PHYKPL: variants seen among roughly 807,000 people sequenced by gnomAD.
PHYKPL encodes 5-phosphohydroxy-L-lysine phospho-lyase.
Under a neutral mutation model 51.3 loss-of-function variants are expected in PHYKPL, and 42 were observed. That is an observed-to-expected ratio of 0.82 (90% CI 0.64 to 1.06). The LOEUF is 1.06. Ranked by LOEUF, PHYKPL falls within the 50% of genes least tolerant of loss-of-function variation. PHYKPL has a pLI of 0.00. For synonymous variants in PHYKPL, 264 were observed against 236.0 expected, an observed-to-expected ratio of 1.12 and a Z score of -1.09; for missense variants, 655 against 586.6, an observed-to-expected ratio of 1.12 and a Z score of -1.20.
At chr5:178,225,319 G>A in intron 4 of PHYKPL, 36 bp downstream of exon 4, 5 of 1,612,400 alleles carry the variant, frequency 3.1e-6, no homozygotes, top group Non-Finnish European at 4.2e-6. Context: ...TGTGGGCCAG[G>A]CTTCTGGGAA....
intron 8 of PHYKPL, among the ~76,000 whole-genome samples, chr5:178,221,368 C>T (rs529149287): frequency 6.6e-6 from 1 of 152,178 alleles, no homozygotes; most frequent in Admixed American, 6.5e-5. Flanking sequence ...GCTCTTCACC[C>T]ACCTCTTGCC....
At chr5:178,213,954 C>G (rs374709672) in intron 10 of PHYKPL, among the ~76,000 whole-genome samples, 3 of 152,156 alleles carry the variant, frequency 2.0e-5, no homozygotes, top group Admixed American at 2.0e-4. Flanking sequence ...TTGTGAGACA[C>G]GGGCTGAACT....
At chr5:178,208,128 C>T (rs1333178553), downstream of PHYKPL, among the ~76,000 whole-genome samples, 1 of 152,120 alleles carries the variant, frequency 6.6e-6, no homozygotes, top group East Asian at 1.9e-4. Context: ...CTCCTGAACT[C>T]TGGTCAGGGA....
chr5:178,231,665 C>T (rs765924348), intron 1 of PHYKPL, 142 bp from the exon 2 acceptor site: 2 of 1,583,454 alleles, frequency 1.3e-6, no homozygotes, highest in South Asian at 2.3e-5. Flanking sequence ...TGCTGCTTCC[C>T]TGCCTTGTCT....
intron 8 of PHYKPL, among the ~76,000 whole-genome samples, chr5:178,218,698 T>A (rs759267232): frequency 6.6e-6 from 1 of 152,202 alleles, no homozygotes; most frequent in Non-Finnish European, 1.5e-5. Flanking sequence ...AGTTATAGCA[T>A]CTTGAACTCA....
chr5:178,232,361 G>A lies in PHYKPL; in HGVS notation c.59+131C>T, dbSNP rs538001614. On this transcript the variant is annotated intron_variant, in intron 1 of 12. Coordinates refer to ENST00000308158, the MANE Select transcript of PHYKPL (RefSeq NM_153373.4). The stretch of plus-strand genomic sequence containing the variant: ...AAGCTCCAGCGGGGCCGGGGCAGCG[G>A]CCGGACGGGATGGGTAGCAGCGGCT... 5 of 1,292,074 alleles carry A rather than the reference G, an allele frequency of 3.9e-6. No homozygotes were observed. In the Admixed American group the frequency reaches 1.3e-4, roughly 32 times the overall value. 80.0% of individuals were successfully genotyped at this position (1,292,074 alleles called of 1,614,324 possible). A position where few individuals can be genotyped will look rare whatever the true frequency, so the allele number is the denominator to read the frequency against.
intron 8 of PHYKPL, chr5:178,216,456 C>T (rs796579391): frequency 4.9e-4 from 75 of 152,218 alleles, no homozygotes; most frequent in African/African-American, 1.7e-3. Context: ...GACCACTAAG[C>T]TAATCAAGCA....
At position 178,229,966 on chromosome 5, in the gene PHYKPL, G is replaced by A. The variant is rs767742613; in HGVS notation, c.312C>T (p.Leu104=). The A allele has an allele frequency of 4.2e-5, 67 of 1,614,044 alleles. No individual in the cohort carries two copies. The highest frequency in any genetic ancestry group is 2.0e-4 in the South Asian group (18 of 91,090). The change falls in exon 3 of 13, where the codon CTC becomes CTT. Residue 104 remains leucine (L), a synonymous_variant. Transcript: ENST00000308158. ...QRLSETLPEQ[L]CVFYFLNSGS... is the part of the protein sequence containing the mutation. ...CAGAATTCAGGAAATAGAACACACA[G>A]AGCTGCTCCGGCAGGGTCTCTGACA...
chr5:178,215,997 C>T (rs925505583), intron 8 of PHYKPL: 1 of 152,266 alleles, frequency 6.6e-6, no homozygotes, highest in Non-Finnish European at 1.5e-5. Context: ...TAAACTACAT[C>T]TTTAAAAACA....
Position 178,231,624 on chromosome 5 carries a change from C to CG in PHYKPL, c.60-102dup, listed in dbSNP as rs3833653. ...CCCACCCCTTCCCAGTTTCTGGTGG[C>CG]GGGGGGGAAATGAGAGCTGGAAGGG... On this transcript the variant is annotated intron_variant, in intron 1 of 12. Transcript: ENST00000308158. 3.0e-4 allele frequency: 488 copies of CG among 1,605,238 alleles called. 2 individuals are homozygous for CG. The highest frequency in any genetic ancestry group is 1.4e-3 in the South Asian group (127 of 90,130).
chr5:178,231,010 C>T (rs990574832), intron 2 of PHYKPL: 2 of 175,004 alleles, frequency 1.1e-5, no homozygotes, highest in East Asian at 1.6e-4. Context: ...GCTCTGGCAG[C>T]CTCATCAAGA....
chr5:178,219,309 AATAG>A (rs761741539), intron 8 of PHYKPL, among the ~76,000 whole-genome samples: 5 of 152,202 alleles, frequency 3.3e-5, no homozygotes, highest in Admixed American at 2.0e-4. Flanking sequence ...GGATTAGCAT[AATAG>A]ATATGTATGT....
At position 178,215,185 on chromosome 5, in the gene PHYKPL, C is replaced by T. The variant is rs977082740; in HGVS notation, c.1082+91G>A. On this transcript the variant is annotated intron_variant, in intron 9 of 12. Coordinates refer to ENST00000308158, the MANE Select transcript of PHYKPL (RefSeq NM_153373.4). The stretch of plus-strand genomic sequence containing the variant: ...CAGTTCCTCTTGAGAGCGGACATAA[C>T]CCCACCATCCCAGGTTGTTAGGAGG... 5.0e-6 allele frequency: 8 copies of T among 1,586,320 alleles called. No homozygotes were observed. In the East Asian group the frequency reaches 1.3e-4, roughly 27 times the overall value.
At chr5:178,222,645 G>A in intron 7 of PHYKPL, 65 bp from the exon 8 acceptor site, 2 of 1,553,502 alleles carry the variant, frequency 1.3e-6, no homozygotes, top group South Asian at 1.1e-5. Flanking sequence ...GGACCCAGGA[G>A]GTCTCGGGGC....
intron 1 of PHYKPL, 45 bp from the exon 2 acceptor site, chr5:178,231,568 A>G (rs1193084498): frequency 1.2e-6 from 2 of 1,613,728 alleles, no homozygotes; most frequent in African/African-American, 2.7e-5. Context: ...TGAAGACCGA[A>G]AGGGTGAAGT....
At chr5:178,229,838 C>T in intron 3 of PHYKPL, 102 bp downstream of exon 3, 1 of 1,461,172 alleles carries the variant, frequency 6.8e-7, no homozygotes, top group Middle Eastern at 1.8e-4. Context: ...GGCTGCCTCT[C>T]CGAGTCCACA....
At chr5:178,230,531 GT>G (rs1043903514) in intron 2 of PHYKPL, 5 of 154,776 alleles carry the variant, frequency 3.2e-5, no homozygotes, top group Admixed American at 6.4e-5. Context: ...TAATTTTTAA[GT>G]TTTTTTTTGG....
In PHYKPL at chr5:178,209,169, C is replaced by G. The variant is rs553632816; in HGVS notation, c.*32-254G>C. Among the ~76,000 whole-genome samples, 3 of 152,350 alleles carry G rather than the reference C, an allele frequency of 2.0e-5. No individual in the cohort carries two copies. In the South Asian group the frequency reaches 6.2e-4, roughly 32 times the overall value. ...AAGGCCTTTGGTTTTAGTTGGGATT[C>G]CATGAGCTTTAGCCCAAAGGTGGCC... is the stretch of plus-strand genomic sequence containing the variant. On this transcript the variant is annotated intron_variant, in intron 12 of 12. Coordinates refer to ENST00000308158, the MANE Select transcript of PHYKPL (RefSeq NM_153373.4).
At chr5:178,212,127 T>C (rs1581212117) in intron 11 of PHYKPL, among the ~76,000 whole-genome samples, 157 bp from the exon 12 acceptor site, 1 of 152,246 alleles carries the variant, frequency 6.6e-6, no homozygotes, top group East Asian at 1.9e-4. Context: ...AGCAGTTTCC[T>C]GAAAAACAAA....
Sources: allele counts gnomAD v4.1 joint callset (sites outside exome capture counted in the v4.1 genomes callset), GRCh38; gene constraint gnomAD v4.1.1; transcripts MANE v1.5; gene names NCBI Gene and HGNC (gene_info 2026-07-23, HGNC 2026-07-21).